RIPOR2: variants seen among roughly 807,000 people sequenced by gnomAD.
The protein encoded by RIPOR2 is RHO family interacting cell polarization regulator 2, also known as rho family-interacting cell polarization regulator 2.
In RIPOR2, 39 loss-of-function variants were observed where a neutral mutation model predicts 114.5. That is an observed-to-expected ratio of 0.34 (90% CI 0.26 to 0.44). The LOEUF is 0.44. Among genes scored for constraint, RIPOR2 ranks in the 20% least tolerant of loss-of-function variants. RIPOR2 has a pLI of 1.00. For missense variants in RIPOR2, 1,007 were observed against 1,255.1 expected, an observed-to-expected ratio of 0.80 and a Z score of 2.99; for synonymous variants, 445 against 484.4, an observed-to-expected ratio of 0.92 and a Z score of 1.07.
At chr6:24,990,247 A>G (rs189572930) in intron 1 of RIPOR2, among the ~76,000 whole-genome samples, 10 of 152,348 alleles carry the variant, frequency 6.6e-5, no homozygotes, top group Non-Finnish European at 1.3e-4. Context: ...GAAAAGATAA[A>G]GGTCTTAGTT....
rs1760583287 is a variant in RIPOR2, at chr6:24,830,494, A to C, written c.2506+15T>G. ...ACTGAAGGACAGAAATTCTCTCTCT[A>C]CTGCTGCCTCATACCTGGGTCTGCA... On this transcript the variant is annotated intron_variant, in intron 17 of 21. Transcript: ENST00000643898. 1 of 1,548,270 alleles carries C rather than the reference A, an allele frequency of 6.5e-7. No individual in the cohort carries two copies. The highest frequency in any genetic ancestry group is 1.4e-5 in the African/African-American group (1 of 72,674).
At chr6:24,811,569 T>A (rs1192717546) in intron 20 of RIPOR2, among the ~76,000 whole-genome samples, 3 of 152,076 alleles carry the variant, frequency 2.0e-5, no homozygotes, top group Non-Finnish European at 2.9e-5. Context: ...CTGATTTGTC[T>A]TATTTTTTTG....
At chr6:24,879,759 C>G (rs1766176005) in intron 1 of RIPOR2, among the ~76,000 whole-genome samples, 1 of 152,234 alleles carries the variant, frequency 6.6e-6, no homozygotes, top group African/African-American at 2.4e-5. Flanking sequence ...CCAGTTGTAA[C>G]TGATCATGCA....
intron 1 of RIPOR2, among the ~76,000 whole-genome samples, chr6:24,909,893 C>T (rs1769372486): frequency 6.6e-6 from 1 of 152,132 alleles, no homozygotes; most frequent in South Asian, 2.1e-4. Context: ...GCAGAATCAG[C>T]CCGGTTCTCC....
chr6:25,002,608 A>G (rs1775370520), intron 1 of RIPOR2, among the ~76,000 whole-genome samples: 1 of 152,262 alleles, frequency 6.6e-6, no homozygotes, highest in South Asian at 2.1e-4. Flanking sequence ...AACCTGCAGA[A>G]GCAACAGTGC....
intron 1 of RIPOR2, among the ~76,000 whole-genome samples, chr6:24,881,771 T>C (rs1335822884): frequency 6.6e-6 from 1 of 151,946 alleles, no homozygotes; most frequent in African/African-American, 2.4e-5. Context: ...CCCAAACACC[T>C]GGTGTCTGTT....
intron 1 of RIPOR2, among the ~76,000 whole-genome samples, chr6:24,893,851 T>C (rs933463046): frequency 2.0e-5 from 3 of 152,132 alleles, no homozygotes; most frequent in Non-Finnish European, 2.9e-5. Flanking sequence ...ACTTTCACCA[T>C]AAACAAGAGA....
At chr6:24,928,883 T>C (rs1419353903) in intron 1 of RIPOR2, among the ~76,000 whole-genome samples, 5 of 152,222 alleles carry the variant, frequency 3.3e-5, no homozygotes, top group Non-Finnish European at 7.3e-5. Context: ...CTTCCTCAGT[T>C]TGGAAAAGAG....
At chr6:24,903,592 T>A (rs911441394) in intron 1 of RIPOR2, among the ~76,000 whole-genome samples, 2 of 152,068 alleles carry the variant, frequency 1.3e-5, no homozygotes, top group African/African-American at 2.4e-5. Context: ...TGTTTTTTTT[T>A]AACTTATTTA....
At chr6:24,956,883 T>A (rs1393845613) in intron 1 of RIPOR2, among the ~76,000 whole-genome samples, 1 of 152,234 alleles carries the variant, frequency 6.6e-6, no homozygotes, top group Non-Finnish European at 1.5e-5. Context: ...CACGTAGAAT[T>A]ACTTTTGTTT....
At chr6:24,922,227 T>G (rs1347802817) in intron 1 of RIPOR2, among the ~76,000 whole-genome samples, 2 of 152,202 alleles carry the variant, frequency 1.3e-5, no homozygotes, top group South Asian at 4.1e-4. Context: ...ATTATGCTAT[T>G]CATCTCTAGA....
At chr6:24,810,523 A>G (rs984688192) in intron 20 of RIPOR2, among the ~76,000 whole-genome samples, 3 of 152,250 alleles carry the variant, frequency 2.0e-5, no homozygotes, top group African/African-American at 7.2e-5. Context: ...TGAGCACTCC[A>G]TGAACCAGAC....
intron 12 of RIPOR2, 83 bp downstream of exon 12, chr6:24,847,942 C>T: frequency 1.3e-6 from 2 of 1,558,068 alleles, no homozygotes; most frequent in African/African-American, 1.4e-5. Flanking sequence ...ACTCCCAGCA[C>T]TGTCTCTTAA....
intron 20 of RIPOR2, among the ~76,000 whole-genome samples, chr6:24,811,639 G>A (rs1468546713): frequency 2.0e-5 from 3 of 148,338 alleles, no homozygotes; most frequent in Admixed American, 1.4e-4. Context: ...CATGTCAGGA[G>A]TTCCCATTCG....
intron 7 of RIPOR2, among the ~76,000 whole-genome samples, chr6:24,862,703 G>A (rs916101293): frequency 3.3e-5 from 5 of 152,110 alleles, no homozygotes; most frequent in African/African-American, 1.2e-4. Context: ...ATGCTATCAT[G>A]CATGTCAGGA....
chr6:24,818,860 G>A (rs934122117), intron 19 of RIPOR2, among the ~76,000 whole-genome samples: 1 of 151,112 alleles, frequency 6.6e-6, no homozygotes, highest in African/African-American at 2.4e-5. Flanking sequence ...AGAACATAAG[G>A]GATCAATTTA....
chr6:25,032,349 C>T (rs1777030559), intron 1 of RIPOR2, among the ~76,000 whole-genome samples: 1 of 152,134 alleles, frequency 6.6e-6, no homozygotes, highest in South Asian at 2.1e-4. Context: ...TCTGCAGGCT[C>T]AGGCTTTGTG....
At chr6:25,019,371 C>T (rs971610066) in intron 1 of RIPOR2, among the ~76,000 whole-genome samples, 1 of 151,530 alleles carries the variant, frequency 6.6e-6, no homozygotes, top group African/African-American at 2.4e-5. Context: ...AACGTATGCC[C>T]TTTGATTTAT....
intron 1 of RIPOR2, among the ~76,000 whole-genome samples, chr6:24,926,469 T>A (rs777973942): frequency 6.6e-6 from 1 of 152,306 alleles, no homozygotes; most frequent in Non-Finnish European, 1.5e-5. Flanking sequence ...TAATCATGTA[T>A]GTATTCTGTG....
Sources: allele counts gnomAD v4.1 joint callset (sites outside exome capture counted in the v4.1 genomes callset), GRCh38; gene constraint gnomAD v4.1.1; transcripts MANE v1.5; gene names NCBI Gene and HGNC (gene_info 2026-07-23, HGNC 2026-07-21).